Variants in DYNC2H1 observed in about 807,000 individuals in gnomAD.
The protein encoded by DYNC2H1 is cytoplasmic dynein 2 heavy chain 1.
DYNC2H1 carries 410 observed loss-of-function variants against 570.0 expected under a neutral mutation model. That is an observed-to-expected ratio of 0.72 (90% CI 0.66 to 0.78). The LOEUF is 0.78. Among genes scored for constraint, DYNC2H1 ranks in the 30% least tolerant of loss-of-function variants. The pLI is 0.00. For synonymous variants in DYNC2H1, 1,688 were observed against 1,677.6 expected (o/e 1.01, Z -0.15); for missense variants, 4,865 against 5,046.4 (o/e 0.96, Z 1.09).
chr11:103,358,410 A>G, intron 83 of DYNC2H1, 51 bp downstream of exon 83: 2 of 1,236,426 alleles, frequency 1.6e-6, no homozygotes, highest in Non-Finnish European at 2.3e-6. Context: ...CCCGCATCGT[A>G]ACCATGTGCT....
At chr11:103,342,191 T>C (rs12800453) in intron 82 of DYNC2H1, among the ~76,000 whole-genome samples, 7,047 of 144,840 alleles carry the variant, frequency 0.049, 315 homozygotes, top group East Asian at 0.2. Flanking sequence ...CATCAATCAG[T>C]GCTGTGTAAA....
intron 59 of DYNC2H1, among the ~76,000 whole-genome samples, chr11:103,224,410 C>G (rs973734339): frequency 5.1e-5 from 1 of 19,478 alleles, no homozygotes; most frequent in Non-Finnish European, 1.0e-4. Context: ...CCACCCCCTG[C>G]CCTTTCCCGA....
chr11:103,396,086 C>A (rs570907232), intron 83 of DYNC2H1, among the ~76,000 whole-genome samples: 2 of 152,224 alleles, frequency 1.3e-5, no homozygotes, highest in South Asian at 4.1e-4. Flanking sequence ...ATCATATAAT[C>A]TGGAAAAAAT....
chr11:103,219,608 A>G (rs1160708967), intron 55 of DYNC2H1, among the ~76,000 whole-genome samples: 3 of 152,174 alleles, frequency 2.0e-5, no homozygotes, highest in Admixed American at 6.5e-5. Context: ...GCAAGACTCC[A>G]TCTCAAAAAA....
chr11:103,286,287 C>A lies in DYNC2H1; in HGVS notation c.10923C>A (p.Cys3641Ter). Residue 3641 changes from cysteine (C) to a stop codon, truncating the protein, a stop_gained, in exon 74 of 89, where the codon TGC becomes TGA. Coordinates refer to ENST00000375735, the MANE Select transcript of DYNC2H1 (RefSeq NM_001377.3). LOFTEE classifies it high-confidence loss of function. The part of the protein sequence containing the change: ...IALPSLYQTL[C>*]FEDAALWRTY... ...TCCCCAGTCTTTATCAGACCCTCTG[C>A]TTTGAAGATGCAGCTCTGTGGCGTA... 6.2e-7 allele frequency: 1 copy of A among 1,613,736 alleles called. No homozygotes were observed. Among genetic ancestry groups the A allele is most frequent in the South Asian group, 1.1e-5 (1 of 91,050 alleles).
At chr11:103,459,081 G>A (rs528331639) in intron 87 of DYNC2H1, among the ~76,000 whole-genome samples, 14 of 151,352 alleles carry the variant, frequency 9.2e-5, no homozygotes, top group South Asian at 2.1e-4. Flanking sequence ...AGGCCGAGGC[G>A]GGCGGATCAC....
chr11:103,462,060 A>T (rs573785106), intron 87 of DYNC2H1, among the ~76,000 whole-genome samples: 40 of 152,286 alleles, frequency 2.6e-4, no homozygotes, highest in African/African-American at 9.6e-4. Context: ...GTTTGTTTGA[A>T]TCAGTGTCAA....
Position 103,177,152 on chromosome 11 carries a change from T to C in DYNC2H1, c.5875-404T>C, listed in dbSNP as rs757328750. On this transcript the variant is annotated intron_variant, in intron 37 of 88. Coordinates refer to ENST00000375735, the MANE Select transcript of DYNC2H1 (RefSeq NM_001377.3). The surrounding 1 kb of genome is among the most constrained non-coding windows in gnomAD (Gnocchi z 4.4). ...TATTAGGATTTTAAGTGAGTCTCTTTATGTAGTGCAAATAATTGTCCAAAA... is the reference window on the plus strand; with the variant it reads ...TATTAGGATTTTAAGTGAGTCTCTTCATGTAGTGCAAATAATTGTCCAAAA... Among the ~76,000 whole-genome samples, 8 of 152,154 alleles carry C rather than the reference T, an allele frequency of 5.3e-5. No homozygotes were observed. Among genetic ancestry groups the C allele is most frequent in the Non-Finnish European group, 1.0e-4 (7 of 68,016 alleles).
intron 87 of DYNC2H1, among the ~76,000 whole-genome samples, chr11:103,466,045 T>C (rs1400594773): frequency 1.3e-5 from 2 of 152,140 alleles, no homozygotes; most frequent in African/African-American, 4.8e-5. Context: ...TTATCATTAT[T>C]AAGCAATGGC....
Position 103,255,482 on chromosome 11 carries a change from A to G in DYNC2H1, c.10274A>G (p.Gln3425Arg). ...GAACAGAAAACAAAACTATTACAACAGGAAGAAGATAAGAAAATACAGCTA... is the reference window on the plus strand; with the variant it reads ...GAACAGAAAACAAAACTATTACAACGGGAAGAAGATAAGAAAATACAGCTA... ...LEEQKTKLLQ[Q>R]EEDKKIQLAK... Residue 3425 changes from glutamine (Q) to arginine (R), a missense_variant, in exon 67 of 89, where the codon CAG (glutamine) becomes CGG (arginine). Gln to Arg is a conservative substitution (Grantham distance 43). This residue lies in a region of DYNC2H1 where 2,401 missense variants were observed against 2,454.6 expected (regional missense o/e 0.98). Coordinates refer to ENST00000375735, the MANE Select transcript of DYNC2H1 (RefSeq NM_001377.3). 1 of 1,568,446 alleles carries G rather than the reference A, an allele frequency of 6.4e-7. No individual in the cohort carries two copies. The highest frequency in any genetic ancestry group is 8.7e-7 in the Non-Finnish European group (1 of 1,155,478).
intron 74 of DYNC2H1, among the ~76,000 whole-genome samples, chr11:103,286,718 C>G (rs999643876): frequency 2.0e-5 from 3 of 151,958 alleles, no homozygotes; most frequent in African/African-American, 7.3e-5. Context: ...AGGAAAAGAC[C>G]TAATAGTGAG....
chr11:103,286,552 C>G (rs1406732306), intron 74 of DYNC2H1, among the ~76,000 whole-genome samples, 166 bp downstream of exon 74: 2 of 152,116 alleles, frequency 1.3e-5, no homozygotes, highest in East Asian at 3.8e-4. Flanking sequence ...TAAATCACGC[C>G]AAAGTTTCTG....
intron 59 of DYNC2H1, among the ~76,000 whole-genome samples, chr11:103,226,642 T>C (rs955765207): frequency 2.0e-5 from 3 of 152,198 alleles, no homozygotes; most frequent in Non-Finnish European, 4.4e-5. Flanking sequence ...TTTGCATCTG[T>C]GTTCATCAGG....
In DYNC2H1 at chr11:103,305,012, C is replaced by G. The variant is rs973050947; in HGVS notation, c.11382+292C>G. 1.3e-5 allele frequency among the ~76,000 whole-genome samples: 2 copies of G among 151,808 alleles called. No individual in the cohort carries two copies. Among genetic ancestry groups the G allele is most frequent in the African/African-American group, 4.8e-5 (2 of 41,360 alleles). On this transcript the variant is annotated intron_variant, in intron 77 of 88. Transcript: ENST00000375735. This position sits in a 1 kb window ranked among gnomAD's most constrained non-coding sequence, Gnocchi z 4.3. ...TATACCATGAGTTTCTTTTTTTGCT[C>G]TTATTCTGTTGATCTGTATTGGGAG...
chr11:103,251,388 T>A (rs1475060811), intron 65 of DYNC2H1, among the ~76,000 whole-genome samples: 4 of 146,388 alleles, frequency 2.7e-5, no homozygotes, highest in African/African-American at 1.1e-4. Context: ...AACTTTCAAC[T>A]TTTTTGTTGG....
chr11:103,221,373 T>C (rs116577003), intron 57 of DYNC2H1, among the ~76,000 whole-genome samples: 2,174 of 152,316 alleles, frequency 0.014, 53 homozygotes, highest in African/African-American at 0.049. Context: ...GAGGAGGACA[T>C]AGGTTGACAG....
In DYNC2H1 at chr11:103,148,595, A is replaced by G. The variant is rs1458081396; in HGVS notation, c.2924A>G (p.Lys975Arg). ...GGTGATGCAAATCTACAATATAGTA[A>G]GTTACAAGAACGGAAGCCAGAGGTG... is the stretch of plus-strand genomic sequence containing the variant. ...EIGDANLQYS[K>R]LQERKPEILP... The change falls in exon 20 of 89, where the codon AAG (lysine) becomes AGG (arginine). Residue 975 changes from lysine to arginine, a missense_variant. Transcript: ENST00000375735. The G allele has an allele frequency of 1.9e-6, 3 of 1,568,284 alleles. No individual in the cohort carries two copies. The African/African-American group carries it at 4.1e-5, about 21-fold the overall frequency.
intron 73 of DYNC2H1, among the ~76,000 whole-genome samples, chr11:103,283,554 A>G (rs1052336457): frequency 2.0e-5 from 3 of 152,212 alleles, no homozygotes; most frequent in Admixed American, 2.0e-4. Flanking sequence ...AAAAACAGTA[A>G]GAATAGCTAG....
chr11:103,136,196 TTTTTTA>T (rs1307782094), intron 17 of DYNC2H1, among the ~76,000 whole-genome samples: 2 of 150,702 alleles, frequency 1.3e-5, no homozygotes, highest in Non-Finnish European at 3.0e-5. Context: ...TTTTTTTTGG[TTTTTTA>T]TTTTTATTTT....
Sources: gnomAD v4.1 joint callset for allele counts (sites outside exome capture counted in the v4.1 genomes callset) on GRCh38, gnomAD v4.1.1 for gene constraint, gnomAD v4.1.1 regional missense constraint, Gnocchi (gnomAD v3.1) non-coding constraint, MANE v1.5 for transcripts, NCBI Gene and HGNC (gene_info 2026-07-23, HGNC 2026-07-21) for gene names.